The following RAD51B variants were observed in gnomAD, a reference collection of about 807,000 sequenced individuals.
The protein encoded by RAD51B is DNA repair protein RAD51 homolog 2.
Under a neutral mutation model 42.2 loss-of-function variants are expected in RAD51B, and 38 were observed. The ratio of observed to expected loss-of-function variants is 0.90; its 90% confidence interval spans 0.70 to 1.18. The LOEUF is 1.18. Among genes scored for constraint, RAD51B ranks in the 50% most tolerant of loss-of-function variants. The probability of loss-of-function intolerance (pLI) is 0.00; values close to 1 mark genes in which losing one functional copy is unlikely to be tolerated. For missense variants in RAD51B, 373 were observed against 400.7 expected (o/e 0.93, Z 0.59); for synonymous variants, 154 against 145.2 (o/e 1.06, Z -0.43).
At chr14:68,204,604 T>G (rs571815207) in intron 7 of RAD51B, among the ~76,000 whole-genome samples, 12 of 152,208 alleles carry the variant, frequency 7.9e-5, no homozygotes, top group African/African-American at 2.9e-4. Context: ...TTTGTAAAAG[T>G]TGAAGTATCT....
intron 11 of RAD51B, among the ~76,000 whole-genome samples, chr14:68,680,254 A>G (rs567985022): frequency 6.6e-6 from 1 of 152,278 alleles, no homozygotes; most frequent in East Asian, 1.9e-4. Context: ...TCTGTGGTGT[A>G]AATATTCTCA....
chr14:68,086,835 G>A (rs1006448182), intron 7 of RAD51B, among the ~76,000 whole-genome samples: 1 of 152,212 alleles, frequency 6.6e-6, no homozygotes, highest in East Asian at 1.9e-4. Flanking sequence ...CAGAATGGCA[G>A]GCATTAAAAG....
At chr14:67,934,760 ATAT>A (rs1370800806) in intron 7 of RAD51B, among the ~76,000 whole-genome samples, 1 of 152,154 alleles carries the variant, frequency 6.6e-6, no homozygotes, top group Non-Finnish European at 1.5e-5. Flanking sequence ...CAGGGAGTGT[ATAT>A]TATTGAGGAA....
intron 9 of RAD51B, among the ~76,000 whole-genome samples, chr14:68,461,554 T>G (rs887798038): frequency 1.3e-5 from 2 of 152,134 alleles, no homozygotes; most frequent in Non-Finnish European, 2.9e-5. Flanking sequence ...TTGTGAAGAT[T>G]AACGTCCATT....
chr14:67,876,599 GAA>G (rs1371150857), intron 5 of RAD51B, among the ~76,000 whole-genome samples: 1 of 152,156 alleles, frequency 6.6e-6, no homozygotes, highest in Non-Finnish European at 1.5e-5. Context: ...GATGGCAAAA[GAA>G]AAACTAAAAT....
intron 7 of RAD51B, among the ~76,000 whole-genome samples, chr14:67,938,304 C>G (rs574454804): frequency 6.6e-6 from 1 of 152,220 alleles, no homozygotes; most frequent in African/African-American, 2.4e-5. Context: ...TTCCTCTCCA[C>G]ACCCAGAGAG....
At chr14:68,071,248 G>T (rs1220716659) in intron 7 of RAD51B, among the ~76,000 whole-genome samples, 1 of 152,066 alleles carries the variant, frequency 6.6e-6, no homozygotes, top group East Asian at 1.9e-4. Flanking sequence ...CTATGTGGAT[G>T]CCTTTTATTT....
At chr14:68,547,890 C>T (rs531019500) in intron 10 of RAD51B, among the ~76,000 whole-genome samples, 2 of 152,286 alleles carry the variant, frequency 1.3e-5, no homozygotes, top group African/African-American at 4.8e-5. Context: ...TGTAGGTTGA[C>T]AGAGTGTCCT....
intron 7 of RAD51B, among the ~76,000 whole-genome samples, chr14:68,225,028 A>T (rs148178811): frequency 0.013 from 2,010 of 152,146 alleles, 22 homozygotes; most frequent in Non-Finnish European, 0.023. Flanking sequence ...AACAATACAT[A>T]TTAAAAAATA....
chr14:68,660,595 G>C (rs1167739004), intron 11 of RAD51B, among the ~76,000 whole-genome samples: 1 of 152,184 alleles, frequency 6.6e-6, no homozygotes, highest in African/African-American at 2.4e-5. Flanking sequence ...TCCAGAGCAT[G>C]CGGCAACAGA....
chr14:67,824,103 G>T (rs770169989), intron 2 of RAD51B, among the ~76,000 whole-genome samples: 41 of 152,152 alleles, frequency 2.7e-4, no homozygotes, highest in Non-Finnish European at 5.0e-4. Context: ...TTTGTTCTTT[G>T]TTGTTTTTGA....
At chr14:68,505,659 C>T (rs752226034) in intron 10 of RAD51B, among the ~76,000 whole-genome samples, 3 of 151,380 alleles carry the variant, frequency 2.0e-5, no homozygotes, top group Non-Finnish European at 4.4e-5. Context: ...CAAGCAATTC[C>T]CCTGCCTCAG....
At chr14:67,821,184 C>A (rs2040614679) in intron 1 of RAD51B, among the ~76,000 whole-genome samples, 1 of 152,222 alleles carries the variant, frequency 6.6e-6, no homozygotes, top group Admixed American at 6.5e-5. Context: ...ATGCTTACTG[C>A]ATGGCTGTAG....
intron 7 of RAD51B, among the ~76,000 whole-genome samples, chr14:68,103,310 T>C (rs2077322383): frequency 6.6e-6 from 1 of 152,184 alleles, no homozygotes; most frequent in Non-Finnish European, 1.5e-5. Context: ...CCTCAGGAGT[T>C]ATCATAATAG....
At chr14:68,487,855 G>A (rs1566910384) in intron 10 of RAD51B, among the ~76,000 whole-genome samples, 1 of 152,134 alleles carries the variant, frequency 6.6e-6, no homozygotes, top group Non-Finnish European at 1.5e-5. Context: ...CAATCTCACT[G>A]GAGGTTAGCA....
intron 7 of RAD51B, among the ~76,000 whole-genome samples, chr14:68,188,772 G>C (rs2079206739): frequency 6.6e-6 from 1 of 152,116 alleles, no homozygotes; most frequent in Non-Finnish European, 1.5e-5. Context: ...CTTCTCTAAA[G>C]AATAGAATCC....
At position 68,032,966 on chromosome 14, in the gene RAD51B, T is replaced by C. The variant is rs1595290513; in HGVS notation, c.756+145762T>C. On this transcript the variant is annotated intron_variant, in intron 7 of 10. Coordinates refer to ENST00000471583, the MANE Select transcript of RAD51B (RefSeq NM_133510.4). ...CCTGATCCTTCTTGGGGATCATTGC[T>C]ACTTGGCCTCTGGTTTCAACCTAAA... is the stretch of plus-strand genomic sequence containing the variant. 2.0e-5 allele frequency among the ~76,000 whole-genome samples: 3 copies of C among 152,234 alleles called. No homozygotes were observed. In the East Asian group the frequency reaches 5.8e-4, roughly 29 times the overall value.
At chr14:68,357,793 A>G (rs571249966) in intron 8 of RAD51B, among the ~76,000 whole-genome samples, 22 of 152,304 alleles carry the variant, frequency 1.4e-4, no homozygotes, top group Non-Finnish European at 2.2e-4. Context: ...TCAGTAAACC[A>G]TGCTACAAAC....
intron 7 of RAD51B, among the ~76,000 whole-genome samples, chr14:67,926,702 A>G (rs887230323): frequency 6.6e-6 from 1 of 151,424 alleles, no homozygotes. Context: ...TAGCTGGGAC[A>G]ACAGGCGTGC....
Sources: allele counts gnomAD v4.1 joint callset (sites outside exome capture counted in the v4.1 genomes callset), GRCh38; gene constraint gnomAD v4.1.1; transcripts MANE v1.5; gene names NCBI Gene and HGNC (gene_info 2026-07-23, HGNC 2026-07-21).